SMARCC1: variants seen among roughly 807,000 people sequenced by gnomAD.
SMARCC1 encodes SWI/SNF related BAF chromatin remodeling complex subunit C1.
Under a neutral mutation model 147.4 loss-of-function variants are expected in SMARCC1, and 43 were observed. The ratio of observed to expected loss-of-function variants is 0.29; its 90% CI spans 0.23 to 0.38. The LOEUF (loss-of-function observed/expected upper bound fraction) is 0.38. Among genes scored for constraint, SMARCC1 ranks in the 10% least tolerant of loss-of-function variants. The pLI is 1.00. For missense variants in SMARCC1, 1,119 were observed against 1,381.1 expected (o/e 0.81, Z 3.01); for synonymous variants, 495 against 484.4 (o/e 1.02, Z -0.29).
chr3:47,703,859 C>T (rs1043934013), intron 10 of SMARCC1, among the ~76,000 whole-genome samples: 2 of 152,266 alleles, frequency 1.3e-5, no homozygotes, highest in Admixed American at 6.5e-5. Flanking sequence ...TGCAGTGGCG[C>T]GATCTCAGCT....
chr3:47,774,567 A>G (rs901589112), intron 1 of SMARCC1, among the ~76,000 whole-genome samples: 8 of 151,650 alleles, frequency 5.3e-5, no homozygotes, highest in Non-Finnish European at 8.8e-5. Context: ...ACAGGCACCC[A>G]CCACCATTCC....
intron 3 of SMARCC1, among the ~76,000 whole-genome samples, chr3:47,742,947 T>C (rs926145953): frequency 5.3e-5 from 8 of 152,186 alleles, no homozygotes; most frequent in Non-Finnish European, 8.8e-5. Flanking sequence ...GGTATTCCCA[T>C]TCAACCTCAT....
intron 2 of SMARCC1, among the ~76,000 whole-genome samples, chr3:47,772,156 A>C (rs2034921811): frequency 6.6e-6 from 1 of 152,194 alleles, no homozygotes; most frequent in South Asian, 2.1e-4. Flanking sequence ...TTCAGAGGCC[A>C]ATGCAGAAGG....
At chr3:47,652,321 C>T (rs774491010) in intron 21 of SMARCC1, among the ~76,000 whole-genome samples, 6 of 147,382 alleles carry the variant, frequency 4.1e-5, no homozygotes, top group Non-Finnish European at 7.4e-5. Flanking sequence ...TCAACCACAG[C>T]TGCTCTGCCT....
intron 21 of SMARCC1, among the ~76,000 whole-genome samples, chr3:47,658,862 G>C (rs1423788468): frequency 6.6e-6 from 1 of 152,136 alleles, no homozygotes; most frequent in Admixed American, 6.5e-5. Context: ...GCTTACACCT[G>C]TAATCCCAAC....
chr3:47,735,920 T>C (rs1353916279), intron 5 of SMARCC1, 114 bp downstream of exon 5: 6 of 494,870 alleles, frequency 1.2e-5, no homozygotes, highest in Non-Finnish European at 2.1e-5. Context: ...TTTCTTTTGA[T>C]GCAAATATAT....
intron 21 of SMARCC1, among the ~76,000 whole-genome samples, chr3:47,660,145 G>GTA (rs1055156525): frequency 4.6e-5 from 7 of 152,060 alleles, no homozygotes; most frequent in African/African-American, 1.7e-4. Flanking sequence ...TTTCATAGTA[G>GTA]TATAAAAGTG....
chr3:47,717,864 G>A (rs2034176667), intron 7 of SMARCC1, among the ~76,000 whole-genome samples: 1 of 151,972 alleles, frequency 6.6e-6, no homozygotes, highest in South Asian at 2.1e-4. Context: ...ATCATGCCCA[G>A]CCATGATATT....
intron 1 of SMARCC1, among the ~76,000 whole-genome samples, chr3:47,776,559 G>A (rs958776926): frequency 3.3e-5 from 5 of 151,644 alleles, no homozygotes; most frequent in African/African-American, 4.8e-5. Flanking sequence ...AGCCAAGAGC[G>A]TGCCACGCAC....
chr3:47,778,210 CAA>C (rs762399509), intron 1 of SMARCC1, among the ~76,000 whole-genome samples: 1,459 of 127,022 alleles, frequency 0.011, 92 homozygotes, highest in African/African-American at 0.042. Context: ...AAACAAAAAA[CAA>C]AAAACAAAAA....
intron 1 of SMARCC1, among the ~76,000 whole-genome samples, chr3:47,775,946 A>T (rs1462213842): frequency 1.3e-5 from 2 of 151,842 alleles, no homozygotes; most frequent in Non-Finnish European, 2.9e-5. Flanking sequence ...TCAGGAGTTC[A>T]AGACCAGCCT....
chr3:47,642,141 AAG>A (rs1478882631), intron 21 of SMARCC1, among the ~76,000 whole-genome samples: 3 of 152,202 alleles, frequency 2.0e-5, no homozygotes, highest in Admixed American at 6.5e-5. Flanking sequence ...AAAAAGAAGA[AAG>A]AAGTAGCAAA....
intron 1 of SMARCC1, among the ~76,000 whole-genome samples, chr3:47,776,340 A>G (rs1218573841): frequency 6.6e-6 from 1 of 151,934 alleles, no homozygotes; most frequent in Non-Finnish European, 1.5e-5. Context: ...GGAGGATCAC[A>G]CCCATAATCT....
intron 19 of SMARCC1, among the ~76,000 whole-genome samples, chr3:47,669,769 G>A (rs1225994250): frequency 6.6e-6 from 1 of 152,156 alleles, no homozygotes; most frequent in Non-Finnish European, 1.5e-5. Context: ...GTTTGATGAT[G>A]CACCAATGAT....
chr3:47,673,398 G>C (rs1347234986), intron 18 of SMARCC1, among the ~76,000 whole-genome samples: 10 of 120,242 alleles, frequency 8.3e-5, no homozygotes, highest in African/African-American at 2.4e-4. Context: ...AAAAAAAAGG[G>C]TGGGGGGGGG....
intron 11 of SMARCC1, among the ~76,000 whole-genome samples, chr3:47,700,150 CTGT>C (rs932363029): frequency 6.6e-6 from 1 of 151,578 alleles, no homozygotes; most frequent in East Asian, 1.9e-4. Flanking sequence ...CTAATTCCTC[CTGT>C]TATTTCATTT....
At chr3:47,654,230 C>T (rs1308355150) in intron 21 of SMARCC1, among the ~76,000 whole-genome samples, 2 of 152,130 alleles carry the variant, frequency 1.3e-5, no homozygotes, top group African/African-American at 2.4e-5. Flanking sequence ...AAAGACCCTA[C>T]AAATGAACCA....
At chr3:47,694,452 T>C (rs1254884008) in intron 11 of SMARCC1, among the ~76,000 whole-genome samples, 1 of 152,090 alleles carries the variant, frequency 6.6e-6, no homozygotes, top group Non-Finnish European at 1.5e-5. Flanking sequence ...ATACAAAAAC[T>C]AGCTGGGCAT....
intron 8 of SMARCC1, 60 bp from the exon 9 acceptor site, chr3:47,710,868 A>T (rs1305788285): frequency 7.1e-7 from 1 of 1,399,460 alleles, no homozygotes; most frequent in African/African-American, 1.4e-5. Flanking sequence ...AAGGTTTTAC[A>T]GTATTGAGAA....
Sources: gnomAD v4.1 joint callset for allele counts (sites outside exome capture counted in the v4.1 genomes callset) on GRCh38, gnomAD v4.1.1 for gene constraint, MANE v1.5 for transcripts, NCBI Gene and HGNC (gene_info 2026-07-23, HGNC 2026-07-21) for gene names.